SAMD3: variants seen among roughly 807,000 people sequenced by gnomAD.
SAMD3 encodes the protein sterile alpha motif domain-containing protein 3.
In SAMD3, 63 loss-of-function variants were observed where a neutral mutation model predicts 58.5. The ratio of observed to expected loss-of-function variants is 1.08; its 90% confidence interval spans 0.88 to 1.33. The LOEUF (loss-of-function observed/expected upper bound fraction) is 1.33, where lower values mean the gene tolerates loss of function less well. SAMD3 is among the 40% of genes most tolerant of loss of function. SAMD3 has a pLI of 0.00. For synonymous variants in SAMD3, 220 were observed against 210.3 expected, an observed-to-expected ratio of 1.05 and a Z score of -0.40; for missense variants, 604 against 608.4, an observed-to-expected ratio of 0.99 and a Z score of 0.08.
chr6:130,264,454 G>A (rs965350866), intron 2 of SAMD3, among the ~76,000 whole-genome samples: 3 of 152,210 alleles, frequency 2.0e-5, no homozygotes, highest in African/African-American at 7.2e-5. Context: ...TGGTATTGTG[G>A]TGGACCTTTA....
intron 1 of SAMD3, among the ~76,000 whole-genome samples, chr6:130,363,060 T>C (rs1778032641): frequency 6.6e-6 from 1 of 152,222 alleles, no homozygotes; most frequent in African/African-American, 2.4e-5. Context: ...CTTTACCCTC[T>C]ACTTTGAAAA....
chr6:130,279,301 T>C (rs1171222917), intron 2 of SAMD3, among the ~76,000 whole-genome samples: 2 of 151,746 alleles, frequency 1.3e-5, no homozygotes, highest in Non-Finnish European at 2.9e-5. Context: ...ATGGGGGCGG[T>C]TTTCCCCATG....
chr6:130,279,764 TGTGA>T (rs1486512541), intron 2 of SAMD3, among the ~76,000 whole-genome samples: 1 of 152,118 alleles, frequency 6.6e-6, no homozygotes, highest in Non-Finnish European at 1.5e-5. Context: ...GGATTACAGG[TGTGA>T]GCCACTGTGC....
At chr6:130,228,183 A>G (rs1164888064) in intron 2 of SAMD3, among the ~76,000 whole-genome samples, 1 of 152,214 alleles carries the variant, frequency 6.6e-6, no homozygotes, top group African/African-American at 2.4e-5. Flanking sequence ...CCAGATGGAT[A>G]TCTTAACAAA....
intron 1 of SAMD3, among the ~76,000 whole-genome samples, chr6:130,340,210 C>T (rs575661867): frequency 1.3e-5 from 2 of 152,112 alleles, no homozygotes; most frequent in Non-Finnish European, 2.9e-5. Context: ...ATTCTGGAAC[C>T]AAAAGTCCAC....
intron 2 of SAMD3, among the ~76,000 whole-genome samples, chr6:130,311,826 G>T (rs1168196156): frequency 6.6e-6 from 1 of 152,142 alleles, no homozygotes; most frequent in Admixed American, 6.5e-5. Flanking sequence ...CTGTTTGGGT[G>T]GATAGCTAGA....
At chr6:130,184,750 A>G (rs1003306350) in intron 5 of SAMD3, 127 bp from the exon 6 acceptor site, 2 of 682,642 alleles carry the variant, frequency 2.9e-6, no homozygotes, top group Non-Finnish European at 4.8e-6. Context: ...GAAGTCATCA[A>G]GCCATCTTCC....
intron 1 of SAMD3, among the ~76,000 whole-genome samples, chr6:130,333,044 C>CGTGTGTGTGTGTGTGTGTGT (rs10529435): frequency 3.5e-5 from 5 of 143,552 alleles, no homozygotes; most frequent in South Asian, 4.6e-4. Flanking sequence ...GTTGAGTATG[C>CGTGTGTGTGTGTGTGTGTGT]GTGTGTGTGT....
At chr6:130,365,796 G>T, upstream of SAMD3, 1 of 985,488 alleles carries the variant, frequency 1.0e-6, no homozygotes, top group Non-Finnish European at 1.2e-6. Context: ...TGGCCGGGAC[G>T]CGGATCGGCC....
At chr6:130,350,607 T>C (rs1227509012) in intron 1 of SAMD3, among the ~76,000 whole-genome samples, 5 of 152,204 alleles carry the variant, frequency 3.3e-5, no homozygotes, top group African/African-American at 1.2e-4. Context: ...TCCACGCTCA[T>C]GGGTAGGAAG....
At chr6:130,320,389 A>G (rs927178812) in intron 1 of SAMD3, among the ~76,000 whole-genome samples, 2 of 152,208 alleles carry the variant, frequency 1.3e-5, no homozygotes, top group Admixed American at 1.3e-4. Context: ...TAAAATTAAA[A>G]ATCAAATGTT....
chr6:130,303,125 G>A (rs908837806), intron 2 of SAMD3, among the ~76,000 whole-genome samples: 4 of 152,090 alleles, frequency 2.6e-5, no homozygotes, highest in African/African-American at 7.2e-5. Flanking sequence ...TGCCTGCCCT[G>A]GGGGACTCTA....
intron 2 of SAMD3, among the ~76,000 whole-genome samples, chr6:130,308,425 A>G (rs1049406460): frequency 9.0e-6 from 1 of 111,060 alleles, no homozygotes; most frequent in Non-Finnish European, 2.1e-5. Flanking sequence ...ATTCTATTCT[A>G]TTCTATTCTA....
At chr6:130,356,760 ATCTTTTGT>A (rs1350315577) in intron 1 of SAMD3, among the ~76,000 whole-genome samples, 1 of 152,212 alleles carries the variant, frequency 6.6e-6, no homozygotes, top group Non-Finnish European at 1.5e-5. Context: ...TCAATCCTCA[ATCTTTTGT>A]TCTTTTCTGG....
intron 2 of SAMD3, among the ~76,000 whole-genome samples, chr6:130,270,429 A>C (rs548941694): frequency 6.6e-6 from 1 of 152,206 alleles, no homozygotes; most frequent in Non-Finnish European, 1.5e-5. Context: ...CTATGACTCA[A>C]ACATGTAGGT....
chr6:130,156,196 G>A lies in SAMD3; in HGVS notation c.823-1171C>T, dbSNP rs138427065. Among the ~76,000 whole-genome samples, 578 of 151,950 alleles carry A rather than the reference G, an allele frequency of 3.8e-3. 4 individuals carry two copies. Among genetic ancestry groups the A allele is most frequent in the African/African-American group, 0.013 (550 of 41,424 alleles). On this transcript the variant is annotated intron_variant, in intron 8 of 11. Transcript: ENST00000439090. ...TCTACTAAAAATACAAAAATTAGCC[G>A]ACACAGTAGCATGCACCTGTAATCC...
intron 5 of SAMD3, among the ~76,000 whole-genome samples, chr6:130,197,309 C>A (rs948041943): frequency 6.6e-6 from 1 of 152,228 alleles, no homozygotes; most frequent in Non-Finnish European, 1.5e-5. Flanking sequence ...TTCTCAACTA[C>A]TCATACATGC....
intron 2 of SAMD3, among the ~76,000 whole-genome samples, chr6:130,307,815 T>G (rs1775959046): frequency 6.6e-6 from 1 of 152,244 alleles, no homozygotes; most frequent in South Asian, 2.1e-4. Context: ...AGATAGATGC[T>G]GGTCTGAGAG....
At chr6:130,232,589 A>G (rs76605355) in intron 2 of SAMD3, among the ~76,000 whole-genome samples, 21,672 of 152,176 alleles carry the variant, frequency 0.14, 1,764 homozygotes, top group East Asian at 0.36. Context: ...TTCAAGTGAT[A>G]GAATCAAAAA....
Sources: gnomAD v4.1 joint callset for allele counts (sites outside exome capture counted in the v4.1 genomes callset) on GRCh38, gnomAD v4.1.1 for gene constraint, MANE v1.5 for transcripts, NCBI Gene and HGNC (gene_info 2026-07-23, HGNC 2026-07-21) for gene names.